The following SNX1 variants were observed in gnomAD, a reference collection of about 807,000 sequenced individuals.
SNX1 encodes the protein sorting nexin-1.
A neutral mutation model predicts 71.8 loss-of-function variants in SNX1; 36 were observed. That is an observed-to-expected ratio of 0.50 (90% CI 0.38 to 0.66). The LOEUF (loss-of-function observed/expected upper bound fraction) is 0.66, where lower values mean the gene tolerates loss of function less well. Ranked by LOEUF, SNX1 falls within the 30% of genes least tolerant of loss-of-function variation. SNX1 has a pLI of 0.00. For missense variants in SNX1, 612 were observed against 646.7 expected, an observed-to-expected ratio of 0.95 and a Z score of 0.58; for synonymous variants, 254 against 240.7, an observed-to-expected ratio of 1.06 and a Z score of -0.51.
chr15:64,124,599 T>TA (rs1344099925), intron 5 of SNX1, among the ~76,000 whole-genome samples: 1 of 152,162 alleles, frequency 6.6e-6, no homozygotes, highest in Non-Finnish European at 1.5e-5. Flanking sequence ...GTCATGGCTG[T>TA]AGTTAGTTCA....
At chr15:64,125,162 C>G (rs959824364) in intron 5 of SNX1, among the ~76,000 whole-genome samples, 3 of 152,106 alleles carry the variant, frequency 2.0e-5, no homozygotes, top group African/African-American at 7.2e-5. Context: ...GCAGCTAATA[C>G]CCTTAAATAA....
chr15:64,099,100 G>C (rs987711250), intron 1 of SNX1, among the ~76,000 whole-genome samples: 1 of 152,164 alleles, frequency 6.6e-6, no homozygotes, highest in African/African-American at 2.4e-5. Context: ...GAGGATTGCA[G>C]CACTTGTGGT....
At chr15:64,102,381 TC>T (rs60355456) in intron 1 of SNX1, among the ~76,000 whole-genome samples, 82,345 of 152,088 alleles carry the variant, frequency 0.54, 27,248 homozygotes, top group East Asian at 0.81. Flanking sequence ...CAAACATTTA[TC>T]TTTTTGTTGA....
rs1032645586 is a variant in SNX1, at chr15:64,138,194, C to A, written c.*576C>A. The A allele has an allele frequency of 2.6e-6, 4 of 1,530,982 alleles. No homozygotes were observed. The highest frequency in any genetic ancestry group is 3.5e-6 in the Non-Finnish European group (4 of 1,145,722). 94.8% of individuals were successfully genotyped at this position (1,530,982 alleles called of 1,614,324 possible). On this transcript the variant is annotated 3_prime_UTR_variant, in exon 15 of 15. Transcript: ENST00000559844. Reference sequence around the variant, plus strand: ...TCTCCGCCTACCTCAGCTACCTGTTCTGAGGGTCTCAATCTGTTTCGTATT... The same window carrying A: ...TCTCCGCCTACCTCAGCTACCTGTTATGAGGGTCTCAATCTGTTTCGTATT...
intron 1 of SNX1, among the ~76,000 whole-genome samples, chr15:64,103,495 G>A (rs2080985878): frequency 6.6e-6 from 1 of 152,108 alleles, no homozygotes; most frequent in Admixed American, 6.5e-5. Flanking sequence ...TGTATGGTTT[G>A]GGGAATTAAG....
rs1387061162 is a variant in SNX1 at position 64,129,507 on chromosome 15, G to A, written c.808-409G>A. On this transcript the variant is annotated intron_variant, in intron 8 of 14. Coordinates refer to ENST00000559844, the MANE Select transcript of SNX1 (RefSeq NM_003099.5). The surrounding 1 kb of genome is among the most constrained non-coding windows in gnomAD (Gnocchi z 4.4). ...GTTCACTGAAGAAAATTCGAACACA[G>A]CACGATTTCAGTGTCTTAAGACTTT... Among the ~76,000 whole-genome samples, 1 of 152,174 alleles carries A rather than the reference G, an allele frequency of 6.6e-6. No individual in the cohort carries two copies. Among genetic ancestry groups the A allele is most frequent in the Non-Finnish European group, 1.5e-5 (1 of 68,034 alleles).
chr15:64,126,162 C>G lies in SNX1; in HGVS notation c.594C>G (p.Ser198=), dbSNP rs1188686999. Residue 198 remains serine, a synonymous_variant, in exon 6 of 15, where the codon TCC becomes TCG. Transcript: ENST00000559844. Reference sequence around the variant, plus strand: ...TTCTGGGTCTTTATGAGAAGCTTTCCGAGAAGCACTCTCAGAATGGCTTCA... The same window carrying G: ...TTCTGGGTCTTTATGAGAAGCTTTCGGAGAAGCACTCTCAGAATGGCTTCA... ...SDFLGLYEKL[S]EKHSQNGFIV... 6.2e-7 allele frequency: 1 copy of G among 1,613,994 alleles called. No homozygotes were observed. Among genetic ancestry groups the G allele is most frequent in the Non-Finnish European group, 8.5e-7 (1 of 1,179,918 alleles).
intron 1 of SNX1, among the ~76,000 whole-genome samples, chr15:64,106,144 C>T (rs1346339673): frequency 6.6e-6 from 1 of 152,082 alleles, no homozygotes. Context: ...ATATCAGTTA[C>T]AATCTCAGGT....
intron 14 of SNX1, 33 bp downstream of exon 14, chr15:64,136,965 C>T: frequency 1.1e-5 from 18 of 1,579,594 alleles, no homozygotes; most frequent in Non-Finnish European, 1.5e-5. Context: ...TCATCCTCTA[C>T]TGCCTGCTCC....
At chr15:64,108,608 A>G (rs185296599) in intron 1 of SNX1, among the ~76,000 whole-genome samples, 89 of 152,328 alleles carry the variant, frequency 5.8e-4, no homozygotes, top group African/African-American at 2.1e-3. Context: ...TTATGCCTCA[A>G]AGGCCAACTG....
At chr15:64,122,526 A>G (rs1042187939) in intron 4 of SNX1, among the ~76,000 whole-genome samples, 1 of 152,186 alleles carries the variant, frequency 6.6e-6, no homozygotes, top group African/African-American at 2.4e-5. Context: ...TACTGAAACC[A>G]AGTTGTAATG....
chr15:64,127,675 C>T, intron 7 of SNX1, 56 bp from the exon 8 acceptor site: 1 of 1,348,386 alleles, frequency 7.4e-7, no homozygotes, highest in Non-Finnish European at 1.1e-6. Flanking sequence ...CTGTGTGACG[C>T]CCAGAACCTT....
In SNX1 at chr15:64,142,378, G is replaced by T. The variant is rs749434352; in HGVS notation, c.*4760G>T. The T allele has an allele frequency of 1.4e-4, 37 of 260,728 alleles. No homozygotes were observed. Among genetic ancestry groups the T allele is most frequent in the Non-Finnish European group, 2.5e-4 (33 of 130,194 alleles). The allele number at this position is 260,728 out of a possible 1,614,324, so 16.2% of individuals were successfully genotyped here. A position where few individuals can be genotyped will look rare whatever the true frequency, so the allele number is the denominator to read the frequency against. ...AAGGGAGGCCAGTTGCTTTAAGTAG[G>T]GGAGATAGAGTTAAAGGAGGCTTTG... On this transcript the variant is annotated 3_prime_UTR_variant, in exon 15 of 15. Transcript: ENST00000559844.
intron 5 of SNX1, among the ~76,000 whole-genome samples, chr15:64,124,010 C>T (rs1179035957): frequency 6.6e-6 from 1 of 151,650 alleles, no homozygotes; most frequent in Admixed American, 6.6e-5. Context: ...ATAAATGAAG[C>T]CCTAAACTTA....
rs1444436966 is a variant in SNX1 at position 64,141,160 on chromosome 15, G to T, written c.*3542G>T. ...AGACCAGCCCTGTAGGTTTATTCCA[G>T]TCTGCCCCCTTTTCCATGTTGTTAA... On this transcript the variant is annotated 3_prime_UTR_variant, in exon 15 of 15. Coordinates refer to ENST00000559844, the MANE Select transcript of SNX1 (RefSeq NM_003099.5). The surrounding 1 kb of genome is among the most constrained non-coding windows in gnomAD (Gnocchi z 5.1). The T allele has an allele frequency of 6.6e-6, 1 of 152,200 alleles. No individual in the cohort carries two copies. Among genetic ancestry groups the T allele is most frequent in the Non-Finnish European group, 1.5e-5 (1 of 68,054 alleles). 9.4% of individuals were successfully genotyped at this position (152,200 alleles called of 1,614,324 possible).
At chr15:64,130,974 A>G (rs1334278171) in intron 10 of SNX1, among the ~76,000 whole-genome samples, 3 of 152,230 alleles carry the variant, frequency 2.0e-5, no homozygotes, top group Non-Finnish European at 2.9e-5. Context: ...GACTATGTGT[A>G]GCCTTCAAAA....
At chr15:64,128,811 C>G (rs2081278430) in intron 8 of SNX1, among the ~76,000 whole-genome samples, 1 of 152,076 alleles carries the variant, frequency 6.6e-6, no homozygotes, top group African/African-American at 2.4e-5. Flanking sequence ...AGGGGTTGTC[C>G]TATGCATTGT....
Position 64,137,655 on chromosome 15 carries a change from G to A in SNX1, c.*37G>A, listed in dbSNP as rs2081373040. 6 of 1,613,972 alleles carry A rather than the reference G, an allele frequency of 3.7e-6. No homozygotes were observed. Among genetic ancestry groups the A allele is most frequent in the Non-Finnish European group, 5.1e-6 (6 of 1,179,930 alleles). Reference sequence around the variant, plus strand: ...CCCCAGAGCCCACCTGTGTGACGCTGCCTTTTTATACACTGTCCTCCTCCA... The same window carrying A: ...CCCCAGAGCCCACCTGTGTGACGCTACCTTTTTATACACTGTCCTCCTCCA... On this transcript the variant is annotated 3_prime_UTR_variant, in exon 15 of 15. Transcript: ENST00000559844.
chr15:64,116,662 C>G (rs1208279763), intron 2 of SNX1, among the ~76,000 whole-genome samples: 1 of 152,158 alleles, frequency 6.6e-6, no homozygotes, highest in African/African-American at 2.4e-5. Flanking sequence ...AGATAGAATA[C>G]TTACTGATCA....
Sources: gnomAD v4.1 joint callset for allele counts (sites outside exome capture counted in the v4.1 genomes callset) on GRCh38, gnomAD v4.1.1 for gene constraint, Gnocchi (gnomAD v3.1) non-coding constraint, MANE v1.5 for transcripts, NCBI Gene and HGNC (gene_info 2026-07-23, HGNC 2026-07-21) for gene names.